NOTCH2: variants seen among roughly 807,000 people sequenced by gnomAD.
NOTCH2 encodes the protein notch receptor 2.
Under a neutral mutation model 235.8 loss-of-function variants are expected in NOTCH2, and 29 were observed. That is an observed-to-expected ratio of 0.12 (90% confidence interval 0.09 to 0.17). NOTCH2 has a LOEUF of 0.17. Among genes scored for constraint, NOTCH2 ranks in the 10% least tolerant of loss-of-function variants. The pLI is 1.00. For missense variants in NOTCH2, 2,285 were observed against 3,150.2 expected (o/e 0.73, Z 6.57); for synonymous variants, 1,086 against 1,141.5 (o/e 0.95, Z 0.98).
At chr1:119,983,562 A>T (rs1407174478) in intron 5 of NOTCH2, among the ~76,000 whole-genome samples, 2 of 152,234 alleles carry the variant, frequency 1.3e-5, no homozygotes, top group Non-Finnish European at 2.9e-5. Flanking sequence ...ACCATATAGA[A>T]TAGGATGAAT....
At chr1:120,048,609 T>C (rs1234634328) in intron 1 of NOTCH2, among the ~76,000 whole-genome samples, 6 of 147,690 alleles carry the variant, frequency 4.1e-5, no homozygotes, top group African/African-American at 1.3e-4. Context: ...CCCCCACTCC[T>C]GGCTAATTTT....
rs1553199688 is a variant in NOTCH2, at chr1:119,966,467, T to C, written c.1476A>G (p.Glu492=). The change falls in exon 9 of 34, where the codon GAA becomes GAG. Residue 492 remains glutamate, a synonymous_variant. Transcript: ENST00000256646. ...CMPGFKGVHC[E]LEINECQSNP... ...TGCTCTGACATTCATTTATTTCTAA[T>C]TCACAATGCACACCTTTGAAACCTA... is the stretch of plus-strand genomic sequence containing the variant. 6.2e-7 allele frequency: 1 copy of C among 1,613,522 alleles called. No homozygotes were observed. The highest frequency in any genetic ancestry group is 8.5e-7 in the Non-Finnish European group (1 of 1,179,490).
At chr1:120,042,101 A>T (rs1654598663) in intron 1 of NOTCH2, among the ~76,000 whole-genome samples, 1 of 102,148 alleles carries the variant, frequency 9.8e-6, no homozygotes, top group African/African-American at 4.9e-5. Context: ...CCACCAGAAG[A>T]CAGATTCTGG....
At chr1:119,984,704 G>C (rs1483617883) in intron 5 of NOTCH2, among the ~76,000 whole-genome samples, 1 of 152,168 alleles carries the variant, frequency 6.6e-6, no homozygotes, top group Non-Finnish European at 1.5e-5. Context: ...GAGAACAAAG[G>C]TCTGTAAGGA....
chr1:119,933,564 A>G (rs1044467375), intron 22 of NOTCH2, among the ~76,000 whole-genome samples: 4 of 152,236 alleles, frequency 2.6e-5, no homozygotes, highest in African/African-American at 9.7e-5. Context: ...GGGAACCTCA[A>G]TAAGATTAAC....
chr1:119,982,916 A>G (rs1234390881), intron 5 of NOTCH2, among the ~76,000 whole-genome samples: 2 of 152,196 alleles, frequency 1.3e-5, no homozygotes, highest in Non-Finnish European at 2.9e-5. Flanking sequence ...CTATTCCTCT[A>G]CTTCAGGGCT....
rs1651191242 is a variant in NOTCH2 at position 119,967,577 on chromosome 1, C to A, written c.1309G>T (p.Asp437Tyr). 6.2e-7 allele frequency: 1 copy of A among 1,613,990 alleles called. No homozygotes were observed. The highest frequency in any genetic ancestry group is 8.5e-7 in the Non-Finnish European group (1 of 1,179,982). Residue 437 changes from aspartate (D) to tyrosine (Y), a missense_variant, in exon 8 of 34, where the codon GAT becomes TAT. Physicochemically the swap from Asp to Tyr is radical, Grantham distance 160. Coordinates refer to ENST00000256646, the MANE Select transcript of NOTCH2 (RefSeq NM_024408.4). ...CEHAGKCVNT[D>Y]GAFHCECLKG... The stretch of plus-strand genomic sequence containing the variant: ...AGACACTCACAGTGGAAGGCGCCAT[C>A]CGTGTTCACACATTTTCCTGCATGC...
At position 120,000,473 on chromosome 1, in the gene NOTCH2, G is replaced by A. The variant is rs587647404; in HGVS notation, c.416-3141C>T. ...GGCGTGAACCCGGGAGGTGGAGCTT[G>A]CAGTGAACCGAGATTGTGCCCTGCA... On this transcript the variant is annotated intron_variant, in intron 3 of 33. Coordinates refer to ENST00000256646, the MANE Select transcript of NOTCH2 (RefSeq NM_024408.4). Among the ~76,000 whole-genome samples the A allele has an allele frequency of 4.9e-5, 7 of 143,330 alleles. No individual in the cohort carries two copies. The South Asian group carries it at 1.6e-3, about 33-fold the overall frequency. The allele number at this position is 143,330 out of a possible 152,430, so 94.0% of individuals were successfully genotyped here.
At chr1:119,965,885 AATGGGGTAAG>A (rs1423455359) in intron 9 of NOTCH2, among the ~76,000 whole-genome samples, 2 of 152,226 alleles carry the variant, frequency 1.3e-5, no homozygotes, top group Non-Finnish European at 2.9e-5. Flanking sequence ...CTGAAGATAC[AATGGGGTAAG>A]ATGCAATCTA....
chr1:119,980,116 T>G (rs1161513433), intron 5 of NOTCH2, among the ~76,000 whole-genome samples: 1 of 152,164 alleles, frequency 6.6e-6, no homozygotes, highest in African/African-American at 2.4e-5. Flanking sequence ...CAAGAGTTCT[T>G]ACTTTTCTCA....
At chr1:120,023,217 C>A (rs1653699628) in intron 2 of NOTCH2, among the ~76,000 whole-genome samples, 1 of 151,128 alleles carries the variant, frequency 6.6e-6, no homozygotes, top group African/African-American at 2.4e-5. Flanking sequence ...GCGGGCAGAT[C>A]ATGAGGTCAG....
chr1:119,924,532 C>T (rs1649400047), intron 25 of NOTCH2, among the ~76,000 whole-genome samples: 1 of 152,180 alleles, frequency 6.6e-6, no homozygotes, highest in Admixed American at 6.5e-5. Flanking sequence ...ATTACTTGTA[C>T]AGGCTCTTTC....
At chr1:119,977,071 G>A (rs1157990390) in intron 5 of NOTCH2, among the ~76,000 whole-genome samples, 2 of 152,082 alleles carry the variant, frequency 1.3e-5, no homozygotes, top group African/African-American at 4.8e-5. Context: ...GACTGTCAGT[G>A]CCATGAAGAA....
rs888847551 is a variant in NOTCH2, at chr1:119,914,107, A to G, written c.*1199T>C. On this transcript the variant is annotated 3_prime_UTR_variant, in exon 34 of 34. Coordinates refer to ENST00000256646, the MANE Select transcript of NOTCH2 (RefSeq NM_024408.4). Reference sequence around the variant, plus strand: ...GGGTCCCTTGGGCTAAGGAAAGTTCAGTCCTAAATGGCAAGGGTACAACAT... The same window carrying G: ...GGGTCCCTTGGGCTAAGGAAAGTTCGGTCCTAAATGGCAAGGGTACAACAT... 13 of 233,192 alleles carry G rather than the reference A, an allele frequency of 5.6e-5. No individual in the cohort carries two copies. The highest frequency in any genetic ancestry group is 2.9e-4 in the African/African-American group (13 of 45,354). 14.4% of individuals were successfully genotyped at this position (233,192 alleles called of 1,614,324 possible).
At position 119,937,846 on chromosome 1, in the gene NOTCH2, G is replaced by T; in HGVS notation, c.3337+11C>A. 1 of 1,614,096 alleles carries T rather than the reference G, an allele frequency of 6.2e-7. No individual in the cohort carries two copies. Among genetic ancestry groups the T allele is most frequent in the Non-Finnish European group, 8.5e-7 (1 of 1,180,012 alleles). On this transcript the variant is annotated intron_variant, in intron 20 of 33. Transcript: ENST00000256646. ...CAGTGAATGACCTGAGCCCAAGGGA[G>T]CAAAGCTTACCTCTCCTGGAGGCTG... is the stretch of plus-strand genomic sequence containing the variant.
intron 17 of NOTCH2, among the ~76,000 whole-genome samples, chr1:119,943,160 T>C (rs1650125731): frequency 6.6e-6 from 1 of 152,226 alleles, no homozygotes; most frequent in African/African-American, 2.4e-5. Context: ...CTAAAACTTA[T>C]TTATCTTATC....
rs906400391 is a variant in NOTCH2, at chr1:119,918,560, G to C, written c.5782-7C>G. ...CTCGGTTGCGAATCAGAATCTAGAA[G>C]AGGAGAAAGTACAGAAAAGAGAGTC... On this transcript the variant is annotated splice_region_variant and splice_polypyrimidine_tract_variant and intron_variant, in intron 31 of 33. Coordinates refer to ENST00000256646, the MANE Select transcript of NOTCH2 (RefSeq NM_024408.4). 6.2e-7 allele frequency: 1 copy of C among 1,613,866 alleles called. No individual in the cohort carries two copies. Among genetic ancestry groups the C allele is most frequent in the African/African-American group, 1.3e-5 (1 of 74,902 alleles).
rs1036112502 is a variant in NOTCH2 at position 119,936,662 on chromosome 1, G to C, written c.3522+620C>G. ...ATTTATATAACAATAGAGAAGCAAA[G>C]CTTTTCTCAGTGTTGCTTGATGGTT... On this transcript the variant is annotated intron_variant, in intron 21 of 33. Transcript: ENST00000256646. 2.6e-5 allele frequency among the ~76,000 whole-genome samples: 4 copies of C among 152,114 alleles called. No homozygotes were observed. The East Asian group carries it at 7.7e-4, about 29-fold the overall frequency.
intron 21 of NOTCH2, 23 bp from the exon 22 acceptor site, chr1:119,935,627 A>G: frequency 1.2e-6 from 2 of 1,613,530 alleles, no homozygotes; most frequent in Middle Eastern, 1.6e-4. Flanking sequence ...AACAAAAAGG[A>G]CAAGAAATAT....
Sources: gnomAD v4.1 joint callset for allele counts (sites outside exome capture counted in the v4.1 genomes callset) on GRCh38, gnomAD v4.1.1 for gene constraint, MANE v1.5 for transcripts, NCBI Gene and HGNC (gene_info 2026-07-23, HGNC 2026-07-21) for gene names.